ZNF423: variants seen among roughly 807,000 people sequenced by gnomAD.
ZNF423 encodes the protein zinc finger protein 423, also known as Ebf-associated zinc finger protein.
ZNF423 carries 12 observed loss-of-function variants against 95.8 expected under a neutral mutation model. The ratio of observed to expected loss-of-function variants is 0.13; its 90% CI spans 0.08 to 0.20. The LOEUF is 0.20. Ranked by LOEUF, ZNF423 falls within the 10% of genes least tolerant of loss-of-function variation. The pLI is 1.00. For missense variants in ZNF423, 1,316 were observed against 1,737.1 expected (o/e 0.76, Z 4.31); for synonymous variants, 749 against 711.9 (o/e 1.05, Z -0.83).
chr16:49,659,490 C>T (rs2030083788), intron 3 of ZNF423, among the ~76,000 whole-genome samples: 1 of 152,252 alleles, frequency 6.6e-6, no homozygotes, highest in Admixed American at 6.5e-5. Flanking sequence ...TACTGAGGCC[C>T]TTGAGGTCTG....
intron 2 of ZNF423, among the ~76,000 whole-genome samples, chr16:49,746,570 T>C (rs1414917311): frequency 1.3e-5 from 2 of 152,136 alleles, no homozygotes; most frequent in Non-Finnish European, 2.9e-5. Context: ...CTCCGCCTCC[T>C]GAGTTCAAGA....
At chr16:49,516,754 T>C (rs1049883613) in intron 7 of ZNF423, among the ~76,000 whole-genome samples, 3 of 152,228 alleles carry the variant, frequency 2.0e-5, no homozygotes, top group African/African-American at 7.2e-5. Context: ...ACTTGCTGGT[T>C]TGTATCATAT....
intron 5 of ZNF423, among the ~76,000 whole-genome samples, chr16:49,605,241 T>C (rs573855672): frequency 9.5e-4 from 145 of 152,294 alleles, no homozygotes; most frequent in Non-Finnish European, 1.8e-3. Context: ...GGATGCTTGT[T>C]GGCTACCCAG....
At position 49,636,577 on chromosome 16, in the gene ZNF423, G is replaced by T. The variant is rs1336618867; in HGVS notation, c.2599C>A (p.Gln867Lys). The stretch of plus-strand genomic sequence containing the variant: ...TCAGGGTTCTTAAGCAGCATGCCCT[G>T]CAGGTCAGCAGGCTCAGCTTTCTTG... ...ATKKAEPADL[Q>K]GMLLKNPEAP... Residue 867 changes from glutamine to lysine, a missense_variant, in exon 4 of 8, where the codon CAG (glutamine) becomes AAG (lysine). Transcript: ENST00000563137. This position sits in a 1 kb window ranked among gnomAD's most constrained non-coding sequence, Gnocchi z 8.6. The T allele has an allele frequency of 6.2e-7, 1 of 1,613,980 alleles. No homozygotes were observed. Among genetic ancestry groups the T allele is most frequent in the Non-Finnish European group, 8.5e-7 (1 of 1,179,988 alleles).
chr16:49,832,277 G>A (rs926920873), intron 1 of ZNF423, among the ~76,000 whole-genome samples: 5 of 152,194 alleles, frequency 3.3e-5, no homozygotes, highest in South Asian at 2.1e-4. Context: ...CGAGCTGGGC[G>A]GCGATGCTGC....
intron 1 of ZNF423, among the ~76,000 whole-genome samples, chr16:49,822,482 G>A (rs917803630): frequency 2.0e-5 from 3 of 152,104 alleles, no homozygotes; most frequent in Non-Finnish European, 2.9e-5. Flanking sequence ...CCCCCTGCAG[G>A]AATTTTTAAA....
At chr16:49,844,423 G>T (rs2035221864) in intron 1 of ZNF423, among the ~76,000 whole-genome samples, 1 of 152,154 alleles carries the variant, frequency 6.6e-6, no homozygotes, top group South Asian at 2.1e-4. Context: ...ACAGCACAAT[G>T]TACCCTGAGT....
chr16:49,703,133 C>A (rs1478682493), intron 3 of ZNF423, among the ~76,000 whole-genome samples: 2 of 152,248 alleles, frequency 1.3e-5, no homozygotes, highest in African/African-American at 4.8e-5. Context: ...GCGGTTACCG[C>A]TAGAACCTCC....
At chr16:49,849,844 C>G (rs779659928) in intron 1 of ZNF423, among the ~76,000 whole-genome samples, 3 of 152,322 alleles carry the variant, frequency 2.0e-5, no homozygotes, top group Middle Eastern at 3.4e-3. Context: ...ACAACAGCAA[C>G]GTAACAAAGA....
chr16:49,643,495 A>G (rs1306730640), intron 3 of ZNF423, among the ~76,000 whole-genome samples: 2 of 151,662 alleles, frequency 1.3e-5, no homozygotes, highest in Non-Finnish European at 2.9e-5. Context: ...CAGAGTCAGG[A>G]TGTGAACCCC....
In ZNF423 at chr16:49,638,024, G is replaced by T. The variant is rs766850851; in HGVS notation, c.1152C>A (p.Ala384=). Residue 384 remains alanine, a synonymous_variant, in exon 4 of 8, where the codon GCC becomes GCA. Transcript: ENST00000563137. The surrounding 1 kb of genome is among the most constrained non-coding windows in gnomAD (Gnocchi z 5.6). ...CCGGGGTGGAGCCACGCTCCACAGA[G>T]GCGCTGGAGTCGGGTGTGGCGCTGC... ...SMSSATPDSS[A]SVERGSTPDS... is the part of the protein sequence containing the mutation. 6 of 1,614,130 alleles carry T rather than the reference G, an allele frequency of 3.7e-6. No homozygotes were observed. Among genetic ancestry groups the T allele is most frequent in the Admixed American group, 1.7e-5 (1 of 60,030 alleles).
At chr16:49,677,713 C>A (rs1484118786) in intron 3 of ZNF423, among the ~76,000 whole-genome samples, 1 of 148,308 alleles carries the variant, frequency 6.7e-6, no homozygotes, top group Non-Finnish European at 1.5e-5. Flanking sequence ...ATGATCACAC[C>A]ACTGCCCTCC....
chr16:49,581,200 T>C (rs892336220), intron 5 of ZNF423, among the ~76,000 whole-genome samples: 2 of 152,142 alleles, frequency 1.3e-5, no homozygotes, highest in Non-Finnish European at 2.9e-5. Flanking sequence ...CAGAAGAACA[T>C]TAAACATTTC....
rs1416547066 is a variant in ZNF423, at chr16:49,603,161, C to G, written c.3601+23009G>C. ...CAAAGTTCTGGATCACTGTCACTATCTGGGGCCTGCTGCAGTGATCTCTGG... is the reference window on the plus strand; with the variant it reads ...CAAAGTTCTGGATCACTGTCACTATGTGGGGCCTGCTGCAGTGATCTCTGG... On this transcript the variant is annotated intron_variant, in intron 5 of 7. Coordinates refer to ENST00000563137, the MANE Select transcript of ZNF423 (RefSeq NM_001379286.1). This position sits in a 1 kb window ranked among gnomAD's most constrained non-coding sequence, Gnocchi z 4.1. Among the ~76,000 whole-genome samples the G allele has an allele frequency of 2.0e-5, 3 of 152,216 alleles. No individual in the cohort carries two copies. Among genetic ancestry groups the G allele is most frequent in the African/African-American group, 7.2e-5 (3 of 41,452 alleles).
chr16:49,610,255 G>A (rs1971680073), intron 5 of ZNF423, among the ~76,000 whole-genome samples: 2 of 152,160 alleles, frequency 1.3e-5, no homozygotes, highest in Non-Finnish European at 2.9e-5. Context: ...AACATGGTAA[G>A]GAAATTTTAC....
chr16:49,640,361 A>G (rs1972931073), intron 3 of ZNF423, among the ~76,000 whole-genome samples: 1 of 151,910 alleles, frequency 6.6e-6, no homozygotes, highest in Admixed American at 6.6e-5. Context: ...CACTCACACT[A>G]TCACTCACAA....
intron 3 of ZNF423, among the ~76,000 whole-genome samples, chr16:49,673,554 G>A (rs1427415739): frequency 1.3e-5 from 2 of 152,240 alleles, no homozygotes; most frequent in African/African-American, 4.8e-5. Context: ...AAAAATTAAA[G>A]CAGGCATCTT....
chr16:49,624,461 G>A (rs1301445067), intron 5 of ZNF423, among the ~76,000 whole-genome samples: 1 of 152,278 alleles, frequency 6.6e-6, no homozygotes, highest in Admixed American at 6.5e-5. Context: ...GCTGAGGCAG[G>A]AGAATCACTT....
At chr16:49,700,118 A>C (rs1231666903) in intron 3 of ZNF423, among the ~76,000 whole-genome samples, 1 of 147,842 alleles carries the variant, frequency 6.8e-6, no homozygotes, top group Non-Finnish European at 1.5e-5. Context: ...GGGGAAAGAG[A>C]TGGCAAGAAT....
Sources: gnomAD v4.1 joint callset for allele counts (sites outside exome capture counted in the v4.1 genomes callset) on GRCh38, gnomAD v4.1.1 for gene constraint, Gnocchi (gnomAD v3.1) non-coding constraint, MANE v1.5 for transcripts, NCBI Gene and HGNC (gene_info 2026-07-23, HGNC 2026-07-21) for gene names.